The following PUM3 variants were observed in gnomAD, a reference collection of about 807,000 sequenced individuals.
PUM3 encodes the protein pumilio RNA binding family member 3.
PUM3 carries 91 observed loss-of-function variants against 84.0 expected under a neutral mutation model. The ratio of observed to expected loss-of-function variants is 1.08; its 90% CI spans 0.91 to 1.29. The LOEUF (loss-of-function observed/expected upper bound fraction) is 1.29, where lower values mean the gene tolerates loss of function less well. Among genes scored for constraint, PUM3 ranks in the 50% most tolerant of loss-of-function variants. The probability of loss-of-function intolerance (pLI) is 0.00; values close to 1 mark genes in which losing one functional copy is unlikely to be tolerated. For synonymous variants in PUM3, 321 were observed against 266.7 expected (o/e 1.20, Z -1.98); for missense variants, 1,067 against 767.5 (o/e 1.39, Z -4.61).
At chr9:2,841,131 G>A (rs942797393) in intron 1 of PUM3, among the ~76,000 whole-genome samples, 1 of 152,140 alleles carries the variant, frequency 6.6e-6, no homozygotes, top group Non-Finnish European at 1.5e-5. Context: ...TGAGCAACCT[G>A]CTTCCCACCA....
intron 15 of PUM3, 30 bp from the exon 16 acceptor site, chr9:2,810,461 A>G (rs1399896163): frequency 2.0e-6 from 3 of 1,492,366 alleles, no homozygotes; most frequent in Admixed American, 2.0e-5. Context: ...GTTAATTTTA[A>G]AAGTTGTTTT....
intron 2 of PUM3, among the ~76,000 whole-genome samples, chr9:2,837,713 G>C (rs1239653405): frequency 1.3e-5 from 2 of 152,044 alleles, no homozygotes; most frequent in Admixed American, 1.3e-4. Context: ...ATATAGCAGA[G>C]CTATTATTTA....
intron 13 of PUM3, among the ~76,000 whole-genome samples, chr9:2,813,926 G>A (rs1238088595): frequency 6.6e-6 from 1 of 152,138 alleles, no homozygotes; most frequent in Non-Finnish European, 1.5e-5. Flanking sequence ...GTAATCTTCT[G>A]ACCACTATGT....
chr9:2,826,010 C>T (rs1815810417), intron 10 of PUM3, among the ~76,000 whole-genome samples: 1 of 152,132 alleles, frequency 6.6e-6, no homozygotes, highest in Non-Finnish European at 1.5e-5. Context: ...GCAGTTTCAA[C>T]TAACATATCT....
intron 1 of PUM3, among the ~76,000 whole-genome samples, chr9:2,841,886 A>G (rs1563837905): frequency 2.6e-5 from 4 of 152,192 alleles, no homozygotes; most frequent in Non-Finnish European, 4.4e-5. Flanking sequence ...TTTCTGGTGT[A>G]TAATTCCACG....
At chr9:2,826,610 A>C (rs1010081142) in intron 10 of PUM3, among the ~76,000 whole-genome samples, 2 of 152,198 alleles carry the variant, frequency 1.3e-5, no homozygotes, top group African/African-American at 4.8e-5. Flanking sequence ...ACTGACTTGA[A>C]GGGCAGTGCA....
intron 3 of PUM3, among the ~76,000 whole-genome samples, chr9:2,835,669 C>G (rs1816102763): frequency 6.6e-6 from 1 of 152,010 alleles, no homozygotes; most frequent in African/African-American, 2.4e-5. Context: ...AGGAACTGAT[C>G]CAGGGCTAAT....
intron 4 of PUM3, among the ~76,000 whole-genome samples, chr9:2,833,637 A>G (rs1286825106): frequency 6.6e-6 from 1 of 152,180 alleles, no homozygotes; most frequent in Non-Finnish European, 1.5e-5. Flanking sequence ...CTCAAAAGGT[A>G]TAATTTTAGG....
At position 2,827,076 on chromosome 9, in the gene PUM3, T is replaced by C. The variant is rs367888081; in HGVS notation, c.1032A>G (p.Arg344=). The C allele has an allele frequency of 2.5e-6, 4 of 1,605,950 alleles. No individual in the cohort carries two copies. Among genetic ancestry groups the C allele is most frequent in the Non-Finnish European group, 2.5e-6 (3 of 1,177,038 alleles). The change falls in exon 10 of 18, where the codon AGA becomes AGG. Residue 344 remains arginine, a synonymous_variant. Coordinates refer to ENST00000397885, the MANE Select transcript of PUM3 (RefSeq NM_014878.5). The stretch of plus-strand genomic sequence containing the variant: ...AAAACAAAAACCAAGAACTTACTGA[T>C]CTGAGTTTGGGGGGTGCATAGGTAA... ...DFFTYAPPKL[R]SEMIEAIREA...
At chr9:2,831,175 A>C (rs1815969145) in intron 6 of PUM3, 76 bp downstream of exon 6, 1 of 1,150,634 alleles carries the variant, frequency 8.7e-7, no homozygotes, top group Non-Finnish European at 1.3e-6. Flanking sequence ...GTTTTCTAGG[A>C]CAGTCTTGGG....
intron 16 of PUM3, among the ~76,000 whole-genome samples, chr9:2,809,526 C>T (rs1179765899): frequency 1.3e-5 from 2 of 152,164 alleles, no homozygotes; most frequent in Non-Finnish European, 2.9e-5. Flanking sequence ...GAAGTGACAG[C>T]TCTACTGCTA....
intron 17 of PUM3, among the ~76,000 whole-genome samples, chr9:2,806,399 G>A (rs1285052507): frequency 6.6e-6 from 1 of 152,150 alleles, no homozygotes; most frequent in Admixed American, 6.6e-5. Context: ...GAATGCTCCT[G>A]TGTGAGTATT....
intron 10 of PUM3, among the ~76,000 whole-genome samples, chr9:2,825,542 G>A (rs1266092430): frequency 6.6e-6 from 1 of 151,848 alleles, no homozygotes; most frequent in Non-Finnish European, 1.5e-5. Flanking sequence ...GAGTGCAGTG[G>A]TGCCATCTTG....
chr9:2,841,505 C>A (rs961318780), intron 1 of PUM3, among the ~76,000 whole-genome samples: 2 of 152,094 alleles, frequency 1.3e-5, no homozygotes, highest in African/African-American at 4.8e-5. Context: ...GAGGCAGAGG[C>A]TGCAGCGAGC....
Position 2,831,303 on chromosome 9 carries a change from G to A in PUM3, c.558C>T (p.Tyr186=). 3 of 1,610,966 alleles carry A rather than the reference G, an allele frequency of 1.9e-6. No homozygotes were observed. The highest frequency in any genetic ancestry group is 1.1e-5 in the South Asian group (1 of 90,276). Residue 186 remains tyrosine (Y), a synonymous_variant, in exon 6 of 18, where the codon TAC becomes TAT. Coordinates refer to ENST00000397885, the MANE Select transcript of PUM3 (RefSeq NM_014878.5). ...TCTGTTCTTCATTACCATACTGAAT[G>A]TAACACTGGATCACACGAGTTGAAT... ...AHDSTRVIQC[Y]IQYGNEEQRK...
At position 2,810,377 on chromosome 9, in the gene PUM3, G is replaced by C; in HGVS notation, c.1690C>G (p.Gln564Glu). Residue 564 changes from glutamine (Q) to glutamate (E), a missense_variant, in exon 16 of 18, where the codon CAA (glutamine) becomes GAA (glutamate). By Grantham distance (29) the Gln-to-Glu change is conservative. Coordinates refer to ENST00000397885, the MANE Select transcript of PUM3 (RefSeq NM_014878.5). ...CCATTTTCTTTCATCTTTTTATCTT[G>C]CTCTATTAACCACTTCAGAACTAGA... Reference protein sequence around the residue: ...GHLVLKWLIEQDKKMKENGRE... With the variant: ...GHLVLKWLIEEDKKMKENGRE... The C allele has an allele frequency of 6.2e-7, 1 of 1,611,436 alleles. No individual in the cohort carries two copies. The highest frequency in any genetic ancestry group is 8.5e-7 in the Non-Finnish European group (1 of 1,178,150).
intron 13 of PUM3, among the ~76,000 whole-genome samples, chr9:2,819,277 A>G (rs762676461): frequency 6.6e-6 from 1 of 152,222 alleles, no homozygotes; most frequent in Non-Finnish European, 1.5e-5. Flanking sequence ...AAGAAAACAC[A>G]TAGTTTAGAA....
At chr9:2,837,454 A>C in intron 2 of PUM3, 53 bp from the exon 3 acceptor site, 1 of 1,199,446 alleles carries the variant, frequency 8.3e-7, no homozygotes, top group Middle Eastern at 2.1e-4. Flanking sequence ...AATCTCTTTT[A>C]TCTATTGGAT....
At chr9:2,839,857 T>C (rs898802753) in intron 1 of PUM3, among the ~76,000 whole-genome samples, 5 of 152,234 alleles carry the variant, frequency 3.3e-5, no homozygotes, top group African/African-American at 1.2e-4. Context: ...TGAAATAATT[T>C]TAGCTTTACA....
Sources: allele counts gnomAD v4.1 joint callset (sites outside exome capture counted in the v4.1 genomes callset), GRCh38; gene constraint gnomAD v4.1.1; transcripts MANE v1.5; gene names NCBI Gene and HGNC (gene_info 2026-07-23, HGNC 2026-07-21).